The following LMNTD1 variants were observed in gnomAD, a reference collection of about 807,000 sequenced individuals.
LMNTD1 encodes the protein lamin tail domain containing 1.
In LMNTD1, 35 loss-of-function variants were observed where a neutral mutation model predicts 50.9. The observed-to-expected ratio is 0.69, with a 90% CI of 0.53 to 0.91. The LOEUF is 0.91. Among genes scored for constraint, LMNTD1 ranks in the 40% least tolerant of loss-of-function variants. The pLI is 0.00. For missense variants in LMNTD1, 470 were observed against 475.5 expected (o/e 0.99, Z 0.11); for synonymous variants, 153 against 161.9 (o/e 0.94, Z 0.42).
chr12:25,478,445 G>T (rs1938342197), intron 9 of LMNTD1, among the ~76,000 whole-genome samples: 1 of 152,096 alleles, frequency 6.6e-6, no homozygotes, highest in Non-Finnish European at 1.5e-5. Flanking sequence ...AAAAGAGAAA[G>T]GAAATAAAAT....
chr12:25,634,375 A>G (rs1334373746), intron 1 of LMNTD1, among the ~76,000 whole-genome samples: 3 of 152,214 alleles, frequency 2.0e-5, no homozygotes, highest in Admixed American at 2.0e-4. Flanking sequence ...AGGAAAGGAC[A>G]TAACCAAAAA....
intron 1 of LMNTD1, among the ~76,000 whole-genome samples, chr12:25,586,698 T>C (rs780978493): frequency 6.6e-6 from 1 of 152,144 alleles, no homozygotes; most frequent in Admixed American, 6.6e-5. Context: ...AGACATTAGA[T>C]TGGGGCTGAC....
chr12:25,527,661 TATATATATATATATATATATACACAC>T (rs1161701977), intron 4 of LMNTD1, among the ~76,000 whole-genome samples: 16 of 24,902 alleles, frequency 6.4e-4, no homozygotes, highest in East Asian at 8.5e-3. Flanking sequence ...TATATATATA[TATATATATATATATATATATACACAC>T]ACACACACAC....
At chr12:25,567,868 ATTTC>A (rs1944621520) in intron 1 of LMNTD1, among the ~76,000 whole-genome samples, 1 of 151,690 alleles carries the variant, frequency 6.6e-6, no homozygotes, top group South Asian at 2.1e-4. Flanking sequence ...AGTCTTAAGT[ATTTC>A]TTTATAGCAA....
intron 4 of LMNTD1, among the ~76,000 whole-genome samples, chr12:25,527,680 A>G (rs1941886404): frequency 5.0e-5 from 1 of 19,892 alleles, no homozygotes; most frequent in Admixed American, 6.2e-4. Context: ...ATATATATAT[A>G]TACACACACA....
chr12:25,599,667 C>T (rs1096002), intron 1 of LMNTD1, among the ~76,000 whole-genome samples: 145,905 of 152,072 alleles, frequency 0.96, 70,299 homozygotes, highest in East Asian at 1. Context: ...GTGAACAATC[C>T]GAAAATGAAA....
intron 8 of LMNTD1, among the ~76,000 whole-genome samples, chr12:25,511,011 G>T (rs1511007): frequency 0.46 from 70,063 of 151,980 alleles, 17,167 homozygotes; most frequent in East Asian, 0.57. Flanking sequence ...CCAGAGAGGG[G>T]TTCTTTGGAG....
At chr12:25,510,093 G>A (rs1002104271) in intron 8 of LMNTD1, among the ~76,000 whole-genome samples, 2 of 152,150 alleles carry the variant, frequency 1.3e-5, no homozygotes, top group Non-Finnish European at 2.9e-5. Flanking sequence ...GTATTATTTT[G>A]TGTAGTAAAC....
intron 8 of LMNTD1, among the ~76,000 whole-genome samples, chr12:25,504,952 G>T (rs1939636769): frequency 1.3e-5 from 2 of 152,192 alleles, no homozygotes; most frequent in Admixed American, 6.5e-5. Context: ...AGAGCAGTTT[G>T]TTGGCATGAA....
chr12:25,514,559 CAA>C (rs36076563), intron 8 of LMNTD1, among the ~76,000 whole-genome samples: 43,084 of 145,754 alleles, frequency 0.3, 6,364 homozygotes, highest in African/African-American at 0.36. Flanking sequence ...TTAATGGATA[CAA>C]AAAAAAAAAA....
chr12:25,635,178 T>G (rs1946803020), intron 1 of LMNTD1, among the ~76,000 whole-genome samples: 2 of 147,314 alleles, frequency 1.4e-5, no homozygotes, highest in South Asian at 4.3e-4. Flanking sequence ...AGGTGGAGGT[T>G]GTGGTGAGCC....
At chr12:25,539,841 G>T (rs1394931872) in intron 4 of LMNTD1, among the ~76,000 whole-genome samples, 1 of 146,852 alleles carries the variant, frequency 6.8e-6, no homozygotes, top group South Asian at 2.2e-4. Flanking sequence ...GACTAATAAA[G>T]AAAAAAAGAG....
At chr12:25,535,859 T>C (rs1364340623) in intron 4 of LMNTD1, among the ~76,000 whole-genome samples, 1 of 152,008 alleles carries the variant, frequency 6.6e-6, no homozygotes, top group African/African-American at 2.4e-5. Context: ...AAGACACAAA[T>C]AGTTAAAAAG....
In LMNTD1 at chr12:25,492,331, T is replaced by C. The variant is rs536048035; in HGVS notation, c.*22+11407A>G. ...TTCCTGAGACAGCTCCTTGCACATG[T>C]CAATTTCCCTATAGCATATTTTCAT... On this transcript the variant is annotated intron_variant, in intron 9 of 9. Coordinates refer to ENST00000458174, the MANE Select transcript of LMNTD1 (RefSeq NM_001145728.2). 1.8e-4 allele frequency among the ~76,000 whole-genome samples: 27 copies of C among 152,356 alleles called. No homozygotes were observed. In the East Asian group the frequency reaches 4.8e-3, roughly 27 times the overall value.
intron 1 of LMNTD1, among the ~76,000 whole-genome samples, chr12:25,619,252 CTATATATATATA>C (rs71450756): frequency 1.5e-3 from 125 of 84,440 alleles, no homozygotes; most frequent in Admixed American, 2.7e-3. Flanking sequence ...CTCTCTCTCT[CTATATATATATA>C]TATATATATA....
chr12:25,536,902 T>C (rs917133306), intron 4 of LMNTD1, among the ~76,000 whole-genome samples: 8 of 152,252 alleles, frequency 5.3e-5, no homozygotes, highest in African/African-American at 1.9e-4. Flanking sequence ...GGGCGAGGCA[T>C]TGCCTCACTC....
chr12:25,646,786 G>A (rs1286876844), intron 1 of LMNTD1, among the ~76,000 whole-genome samples: 1 of 152,158 alleles, frequency 6.6e-6, no homozygotes, highest in Non-Finnish European at 1.5e-5. Flanking sequence ...TCCTTAAAAG[G>A]TAGGTAAGGA....
chr12:25,497,275 G>C (rs1939114184), intron 9 of LMNTD1, among the ~76,000 whole-genome samples: 1 of 152,038 alleles, frequency 6.6e-6, no homozygotes. Flanking sequence ...GGATGAGACC[G>C]GCCCCTCCTC....
At chr12:25,502,227 T>C (rs1425126030) in intron 9 of LMNTD1, among the ~76,000 whole-genome samples, 3 of 151,824 alleles carry the variant, frequency 2.0e-5, no homozygotes, top group Non-Finnish European at 4.4e-5. Flanking sequence ...CATAAAAAAT[T>C]CCCCCCCTTT....
Sources: gnomAD v4.1 joint callset for allele counts (sites outside exome capture counted in the v4.1 genomes callset) on GRCh38, gnomAD v4.1.1 for gene constraint, MANE v1.5 for transcripts, NCBI Gene and HGNC (gene_info 2026-07-23, HGNC 2026-07-21) for gene names.